The following PLEKHA5 variants were observed in gnomAD, a reference collection of about 807,000 sequenced individuals.
The protein encoded by PLEKHA5 is pleckstrin homology domain-containing family A member 5.
Under a neutral mutation model 181.9 loss-of-function variants are expected in PLEKHA5, and 55 were observed. The observed-to-expected ratio is 0.30, with a 90% confidence interval of 0.24 to 0.38. The LOEUF (loss-of-function observed/expected upper bound fraction) is 0.38, where lower values mean the gene tolerates loss of function less well. Among genes scored for constraint, PLEKHA5 ranks in the 10% least tolerant of loss-of-function variants. The pLI, the probability that PLEKHA5 is intolerant of heterozygous loss-of-function variation, is 1.00. For missense variants in PLEKHA5, 1,432 were observed against 1,549.5 expected (o/e 0.92, Z 1.27); for synonymous variants, 535 against 529.4 (o/e 1.01, Z -0.15).
intron 15 of PLEKHA5, among the ~76,000 whole-genome samples, chr12:19,302,767 G>A (rs1786046127): frequency 6.6e-6 from 1 of 151,876 alleles, no homozygotes; most frequent in Admixed American, 6.6e-5. Flanking sequence ...ATTTAAATTT[G>A]TAGTTACATA....
chr12:19,262,752 G>A (rs1326500595), intron 7 of PLEKHA5, among the ~76,000 whole-genome samples: 1 of 152,160 alleles, frequency 6.6e-6, no homozygotes, highest in African/African-American at 2.4e-5. Context: ...GGGGAGGGCT[G>A]AACATAGTAC....
intron 15 of PLEKHA5, among the ~76,000 whole-genome samples, chr12:19,305,960 A>G (rs998626107): frequency 1.3e-5 from 2 of 151,588 alleles, no homozygotes; most frequent in East Asian, 3.9e-4. Flanking sequence ...CACGCCTGTA[A>G]TCCCAGCTAC....
At position 19,255,154 on chromosome 12, in the gene PLEKHA5, C is replaced by A; in HGVS notation, c.421C>A (p.Pro141Thr). The A allele has an allele frequency of 6.3e-7, 1 of 1,585,026 alleles. No homozygotes were observed. Among genetic ancestry groups the A allele is most frequent in the Non-Finnish European group, 8.6e-7 (1 of 1,161,044 alleles). Reference protein sequence around the residue: ...TSDYAVHPMSPVGRTSRASKK... With the variant: ...TSDYAVHPMSTVGRTSRASKK... The stretch of plus-strand genomic sequence containing the variant: ...AGATTATGCAGTGCATCCAATGAGC[C>A]CTGTAGGCAGAGTAAGTTATTTTGC... The change falls in exon 5 of 32, where the codon CCT (proline) becomes ACT (threonine). Residue 141 changes from proline to threonine, a missense_variant. Pro to Thr is a conservative substitution (Grantham distance 38). Around this residue, in one of 2 missense-constraint regions of PLEKHA5, gnomAD observed 289 missense variants for 381.1 expected, o/e 0.76. Coordinates refer to ENST00000429027, the MANE Select transcript of PLEKHA5 (RefSeq NM_001256470.2).
intron 30 of PLEKHA5, among the ~76,000 whole-genome samples, chr12:19,367,387 C>A (rs544913059): frequency 6.1e-5 from 9 of 147,636 alleles, no homozygotes; most frequent in Non-Finnish European, 1.0e-4. Flanking sequence ...TCCCAAGTAG[C>A]TGGGATTATA....
chr12:19,185,535 A>T (rs1027371184), intron 3 of PLEKHA5, among the ~76,000 whole-genome samples: 2 of 152,196 alleles, frequency 1.3e-5, no homozygotes, highest in Non-Finnish European at 2.9e-5. Context: ...GAGGTAAAGA[A>T]CGGAGACAGA....
intron 3 of PLEKHA5, among the ~76,000 whole-genome samples, chr12:19,192,777 A>G (rs1447938568): frequency 6.6e-6 from 1 of 152,226 alleles, no homozygotes; most frequent in Non-Finnish European, 1.5e-5. Flanking sequence ...AGTGAAATTG[A>G]TCTAGTAAAT....
intron 3 of PLEKHA5, among the ~76,000 whole-genome samples, chr12:19,185,545 A>G (rs1162669318): frequency 6.6e-6 from 1 of 152,206 alleles, no homozygotes; most frequent in Admixed American, 6.5e-5. Context: ...ACGGAGACAG[A>G]TAGATACACA....
intron 16 of PLEKHA5, 27 bp downstream of exon 16, chr12:19,314,921 T>C (rs1457375212): frequency 1.7e-6 from 2 of 1,187,444 alleles, no homozygotes; most frequent in Admixed American, 4.0e-5. Context: ...TGAATGATAC[T>C]GCTTTATCAT....
At chr12:19,160,096 A>G (rs965585662) in intron 3 of PLEKHA5, among the ~76,000 whole-genome samples, 8 of 152,052 alleles carry the variant, frequency 5.3e-5, no homozygotes, top group Admixed American at 2.6e-4. Flanking sequence ...CCATGGACTT[A>G]TTTTTACACT....
At chr12:19,260,790 G>A (rs2068249780) in intron 6 of PLEKHA5, among the ~76,000 whole-genome samples, 159 bp from the exon 7 acceptor site, 1 of 152,142 alleles carries the variant, frequency 6.6e-6, no homozygotes, top group African/African-American at 2.4e-5. Flanking sequence ...AACCCAGGAG[G>A]CAGAGGTTGC....
chr12:19,324,525 A>T (rs537856440), intron 20 of PLEKHA5, among the ~76,000 whole-genome samples: 1 of 152,188 alleles, frequency 6.6e-6, no homozygotes, highest in South Asian at 2.1e-4. Flanking sequence ...TCAAATCCAG[A>T]TCTTCTTACC....
chr12:19,190,105 C>T (rs893333467), intron 3 of PLEKHA5, among the ~76,000 whole-genome samples: 8 of 152,160 alleles, frequency 5.3e-5, no homozygotes, highest in Admixed American at 4.6e-4. Flanking sequence ...TGAACTCTTA[C>T]TCTTAGTGTC....
Position 19,345,871 on chromosome 12 carries a change from G to T in PLEKHA5, c.2692G>T (p.Val898Phe), listed in dbSNP as rs753041456. The T allele has an allele frequency of 2.0e-6, 3 of 1,488,166 alleles. No individual in the cohort carries two copies. Among genetic ancestry groups the T allele is most frequent in the Non-Finnish European group, 2.8e-6 (3 of 1,072,146 alleles). 92.2% of individuals were successfully genotyped at this position (1,488,166 alleles called of 1,614,324 possible). The change falls in exon 23 of 32, where the codon GTT becomes TTT. Residue 898 changes from valine (V) to phenylalanine (F), a missense_variant. Physicochemically the swap from Val to Phe is conservative, Grantham distance 50. Around this residue, in one of 2 missense-constraint regions of PLEKHA5, gnomAD observed 1,143 missense variants for 1,168.4 expected, o/e 0.98. Transcript: ENST00000429027. Reference sequence around the variant, plus strand: ...GATAGGATCAAAGCCTTTCTCAACAGTTAAGTACAAAAATGAGGTAAGTTT... The same window carrying T: ...GATAGGATCAAAGCCTTTCTCAACATTTAAGTACAAAAATGAGGTAAGTTT... ...GMIGSKPFSTVKYKNEEEEVV... is the reference protein window; with the variant it reads ...GMIGSKPFSTFKYKNEEEEVV...
At chr12:19,367,413 G>A (rs1465442591) in intron 30 of PLEKHA5, among the ~76,000 whole-genome samples, 3 of 150,004 alleles carry the variant, frequency 2.0e-5, no homozygotes, top group African/African-American at 7.4e-5. Flanking sequence ...CCACCACCAC[G>A]CCCAGCTAAT....
intron 23 of PLEKHA5, among the ~76,000 whole-genome samples, chr12:19,346,328 C>CT (rs200876121): frequency 2.5e-4 from 37 of 150,400 alleles, no homozygotes; most frequent in Non-Finnish European, 4.4e-4. Context: ...AAAGAGGTAA[C>CT]TTTTTTTTTT....
At chr12:19,264,217 A>T (rs571664985) in intron 7 of PLEKHA5, among the ~76,000 whole-genome samples, 10 of 152,240 alleles carry the variant, frequency 6.6e-5, no homozygotes, top group African/African-American at 2.4e-4. Flanking sequence ...TTTATAGATG[A>T]TAAAACAGAT....
intron 3 of PLEKHA5, among the ~76,000 whole-genome samples, chr12:19,198,973 A>G (rs1290260740): frequency 6.6e-6 from 1 of 152,124 alleles, no homozygotes; most frequent in Non-Finnish European, 1.5e-5. Context: ...AGATTTTCTT[A>G]TAGTCTAAAC....
intron 29 of PLEKHA5, 42 bp downstream of exon 29, chr12:19,361,748 G>A (rs1301877883): frequency 1.2e-5 from 18 of 1,529,064 alleles, no homozygotes; most frequent in Non-Finnish European, 1.6e-5. Context: ...ACAAAACTGT[G>A]TAACTGCTTA....
intron 15 of PLEKHA5, among the ~76,000 whole-genome samples, chr12:19,310,843 A>G (rs1366559608): frequency 6.6e-6 from 1 of 152,124 alleles, no homozygotes; most frequent in Non-Finnish European, 1.5e-5. Flanking sequence ...ATTCTGTTAA[A>G]TGTGCAATAG....
Sources: gnomAD v4.1 joint callset for allele counts (sites outside exome capture counted in the v4.1 genomes callset) on GRCh38, gnomAD v4.1.1 for gene constraint, gnomAD v4.1.1 regional missense constraint, MANE v1.5 for transcripts, NCBI Gene and HGNC (gene_info 2026-07-23, HGNC 2026-07-21) for gene names.